The following PLS3 variants were observed in gnomAD, a reference collection of about 807,000 sequenced individuals.
PLS3 encodes plastin-3.
Under a neutral mutation model 46.5 loss-of-function variants are expected in PLS3, and 11 were observed. The ratio of observed to expected loss-of-function variants is 0.24; its 90% CI spans 0.15 to 0.39. The LOEUF (loss-of-function observed/expected upper bound fraction) is 0.39, where lower values mean the gene tolerates loss of function less well. Among genes scored for constraint, PLS3 ranks in the 10% least tolerant of loss-of-function variants. The probability of loss-of-function intolerance (pLI) is 1.00; values close to 1 mark genes in which losing one functional copy is unlikely to be tolerated. For missense variants in PLS3, 308 were observed against 461.8 expected (o/e 0.67, Z 3.05); for synonymous variants, 167 against 162.2 (o/e 1.03, Z -0.22).
intron 1 of PLS3, among the ~76,000 whole-genome samples, chrX:115,564,529 C>A (rs1556629904): frequency 8.9e-6 from 1 of 112,267 alleles, no homozygotes; most frequent in African/African-American, 3.2e-5. Context: ...AATAAAAGGG[C>A]AGCTTGGCCA....
intron 1 of PLS3, among the ~76,000 whole-genome samples, chrX:115,596,178 G>T (rs781857898): frequency 8.9e-6 from 1 of 112,149 alleles, no homozygotes; most frequent in African/African-American, 3.2e-5. Flanking sequence ...CAGGCCAATT[G>T]TATGTGAAGA....
At position 115,630,734 on chromosome X, in the gene PLS3, GTA is replaced by G. The variant is rs1444145959; in HGVS notation, c.500+775_500+776del. On this transcript the variant is annotated intron_variant, in intron 5 of 15. Coordinates refer to ENST00000355899, the MANE Select transcript of PLS3 (RefSeq NM_005032.7). ...ATATACATATATAAAATATATGTGTGTATATATATTTACACATATATATTTTA... is the reference window on the plus strand; with the variant it reads ...ATATACATATATAAAATATATGTGTGTATATATTTACACATATATATTTTA... Among the ~76,000 whole-genome samples, 6 of 93,174 alleles carry G rather than the reference GTA, an allele frequency of 6.4e-5. No individual in the cohort carries two copies. The Admixed American group carries it at 6.6e-4, about 10-fold the overall frequency. The allele number at this position is 93,174 out of a possible 115,157, so 80.9% of individuals were successfully genotyped here.
chrX:115,601,127 A>AT (rs1258020296), intron 1 of PLS3, among the ~76,000 whole-genome samples: 1 of 110,182 alleles, frequency 9.1e-6, no homozygotes, highest in African/African-American at 3.3e-5. Flanking sequence ...AAGTGTCTAG[A>AT]TAGATGGGTG....
At chrX:115,645,440 C>G (rs2074941454) in intron 11 of PLS3, among the ~76,000 whole-genome samples, 1 of 109,720 alleles carries the variant, frequency 9.1e-6, no homozygotes, top group African/African-American at 3.3e-5. Context: ...CCACTGTACT[C>G]CAGCCTGGGC....
chrX:115,648,932 T>C (rs1441896328), intron 15 of PLS3, among the ~76,000 whole-genome samples: 1 of 111,555 alleles, frequency 9.0e-6, no homozygotes, highest in Non-Finnish European at 1.9e-5. Flanking sequence ...CTACCTTTTC[T>C]AGTTTTTGGT....
chrX:115,636,542 A>G (rs1603243109), intron 7 of PLS3, among the ~76,000 whole-genome samples: 1 of 112,061 alleles, frequency 8.9e-6, no homozygotes, highest in Non-Finnish European at 1.9e-5. Flanking sequence ...AATAAGAACA[A>G]CTTATACAAA....
intron 1 of PLS3, among the ~76,000 whole-genome samples, chrX:115,573,946 T>A (rs1440846065): frequency 1.8e-5 from 2 of 111,223 alleles, no homozygotes; most frequent in African/African-American, 6.5e-5. Context: ...TCAAGCGATC[T>A]GCCCACCTCG....
intron 1 of PLS3, among the ~76,000 whole-genome samples, chrX:115,594,644 CCTCT>C (rs782282497): frequency 0.034 from 3,285 of 96,448 alleles, 135 homozygotes; most frequent in African/African-American, 0.12. Flanking sequence ...TCTCTCCCTC[CCTCT>C]CTCTCTCTCT....
At chrX:115,615,677 G>A (rs974308075) in intron 2 of PLS3, among the ~76,000 whole-genome samples, 12 of 110,251 alleles carry the variant, frequency 1.1e-4, no homozygotes, top group Non-Finnish European at 2.1e-4. Flanking sequence ...AAAAAAAAAC[G>A]CTTTGTCAAT....
chrX:115,605,861 AT>A (rs1486243802), intron 1 of PLS3, among the ~76,000 whole-genome samples: 1 of 111,846 alleles, frequency 8.9e-6, no homozygotes, highest in Non-Finnish European at 1.9e-5. Context: ...AAAAAAATGG[AT>A]ATTTGTACCT....
At chrX:115,634,106 T>A in intron 6 of PLS3, 25 bp downstream of exon 6, 2 of 896,002 alleles carry the variant, frequency 2.2e-6, no homozygotes, top group Non-Finnish European at 3.2e-6. Flanking sequence ...CCCCTCCCTT[T>A]AACATGAAAT....
At chrX:115,579,184 CT>C (rs1195852116) in intron 1 of PLS3, among the ~76,000 whole-genome samples, 1 of 111,848 alleles carries the variant, frequency 8.9e-6, no homozygotes, top group African/African-American at 3.2e-5. Context: ...TGGGAATTAG[CT>C]TTTTTTCTCT....
chrX:115,607,259 C>T (rs782805826), intron 1 of PLS3, among the ~76,000 whole-genome samples: 32 of 72,463 alleles, frequency 4.4e-4, no homozygotes, highest in African/African-American at 1.4e-3. Flanking sequence ...AAGACCCTGT[C>T]TCAATAAACA....
chrX:115,622,083 C>T, intron 2 of PLS3, 163 bp from the exon 3 acceptor site: 1 of 427,184 alleles, frequency 2.3e-6, no homozygotes, highest in Non-Finnish European at 4.0e-6. Flanking sequence ...TTGCTTTTTC[C>T]ATTTAAATGT....
intron 1 of PLS3, among the ~76,000 whole-genome samples, chrX:115,563,461 T>C (rs1473077725): frequency 4.5e-5 from 5 of 110,943 alleles, no homozygotes; most frequent in Non-Finnish European, 9.4e-5. Flanking sequence ...TGGGAAAACG[T>C]GGCAATTTGG....
chrX:115,639,423 C>A (rs2074872210), intron 8 of PLS3, among the ~76,000 whole-genome samples: 1 of 111,752 alleles, frequency 8.9e-6, no homozygotes, highest in Admixed American at 9.6e-5. Context: ...TGGGCAGCTC[C>A]CAGACATTTA....
chrX:115,618,880 G>A (rs2074621992), intron 2 of PLS3, among the ~76,000 whole-genome samples: 1 of 111,883 alleles, frequency 8.9e-6, no homozygotes, highest in Admixed American at 9.5e-5. Flanking sequence ...GACAGAGTGA[G>A]ACTTAGTCTC....
intron 1 of PLS3, among the ~76,000 whole-genome samples, chrX:115,565,034 G>A (rs1415924612): frequency 8.9e-6 from 1 of 111,953 alleles, no homozygotes; most frequent in African/African-American, 3.2e-5. Flanking sequence ...TATTCAGTGT[G>A]TTGGAGGTTT....
intron 15 of PLS3, among the ~76,000 whole-genome samples, chrX:115,649,112 C>T (rs1045613647): frequency 9.0e-6 from 1 of 111,596 alleles, no homozygotes; most frequent in Non-Finnish European, 1.9e-5. Flanking sequence ...AGAATATTAA[C>T]ATGGATTGTA....
Sources: allele counts gnomAD v4.1 joint callset (sites outside exome capture counted in the v4.1 genomes callset), GRCh38; gene constraint gnomAD v4.1.1; transcripts MANE v1.5; gene names NCBI Gene and HGNC (gene_info 2026-07-23, HGNC 2026-07-21).